The following MTSS2 variants were observed in gnomAD, a reference collection of about 807,000 sequenced individuals.
The protein encoded by MTSS2 is MTSS I-BAR domain containing 2.
In MTSS2, 27 loss-of-function variants were observed where a neutral mutation model predicts 67.1. That is an observed-to-expected ratio of 0.40 (90% CI 0.30 to 0.55). The LOEUF (loss-of-function observed/expected upper bound fraction) is 0.55. Among genes scored for constraint, MTSS2 ranks in the 20% least tolerant of loss-of-function variants. MTSS2 has a pLI of 0.43. For missense variants in MTSS2, 1,171 were observed against 1,067.8 expected (o/e 1.10, Z -1.35); for synonymous variants, 624 against 468.6 (o/e 1.33, Z -4.28).
chr16:70,684,337 G>A (rs2053389965), intron 1 of MTSS2, among the ~76,000 whole-genome samples: 1 of 151,670 alleles, frequency 6.6e-6, no homozygotes, highest in Non-Finnish European at 1.5e-5. Context: ...ACAGTTGCAA[G>A]AGATGGGGGT....
chr16:70,664,180 C>G lies in MTSS2; in HGVS notation c.1741G>C (p.Ala581Pro). Reference sequence around the variant, plus strand: ...GGCGGCCGGATGGGGATGGGGCCAGCGCTGGACAGGGCGCGGCGCACGGTG... The same window carrying G: ...GGCGGCCGGATGGGGATGGGGCCAGGGCTGGACAGGGCGCGGCGCACGGTG... ...KPTVRRALSS[A>P]GPIPIRPPIV... Residue 581 changes from alanine (A) to proline (P), a missense_variant, in exon 15 of 15, where the codon GCT (alanine) becomes CCT (proline). Physicochemically the swap from Ala to Pro is conservative, Grantham distance 27. This residue lies in a region of MTSS2 where 924 missense variants were observed against 756.0 expected (regional missense o/e 1.22). Transcript: ENST00000338779. 2 of 1,603,428 alleles carry G rather than the reference C, an allele frequency of 1.2e-6. No homozygotes were observed. The highest frequency in any genetic ancestry group is 1.7e-6 in the Non-Finnish European group (2 of 1,178,620).
chr16:70,680,685 G>T, intron 3 of MTSS2, 109 bp downstream of exon 3: 2 of 986,072 alleles, frequency 2.0e-6, no homozygotes, highest in Non-Finnish European at 3.1e-6. Flanking sequence ...AGAACTCAAG[G>T]TTCTGGGCTT....
At chr16:70,678,206 T>G (rs756435499) in intron 8 of MTSS2, 46 bp downstream of exon 8, 281 of 1,560,500 alleles carry the variant, frequency 1.8e-4, no homozygotes, top group Non-Finnish European at 2.1e-4. Flanking sequence ...AGGTCAACCC[T>G]GGGCCCAGCC....
rs775664672 is a variant in MTSS2, at chr16:70,681,022, A to C, written c.73T>G (p.Ser25Ala). ...TTGAAGTCCTCCCAGATAGGGTAGG[A>C]GCTCTGCCGGGCAAATGGGAGAGAA... is the stretch of plus-strand genomic sequence containing the variant. Reference protein sequence around the residue: ...FQAIVNDMKSSYPIWEDFNSK... With the variant: ...FQAIVNDMKSAYPIWEDFNSK... Residue 25 changes from serine to alanine, a missense_variant, in exon 2 of 15, where the codon TCC becomes GCC. Transcript: ENST00000338779. 2.5e-6 allele frequency: 4 copies of C among 1,609,188 alleles called. No individual in the cohort carries two copies. In the South Asian group the frequency reaches 4.5e-5, roughly 18 times the overall value.
Position 70,662,578 on chromosome 16 carries a change from T to C in MTSS2, c.*1099A>G, listed in dbSNP as rs1438705570. Reference sequence around the variant, plus strand: ...CCTCCCAACCTTATTTTGGCTACGCTCGAGACACTGGAGAGAACAGTAGCT... The same window carrying C: ...CCTCCCAACCTTATTTTGGCTACGCCCGAGACACTGGAGAGAACAGTAGCT... On this transcript the variant is annotated 3_prime_UTR_variant, in exon 15 of 15. Coordinates refer to ENST00000338779, the MANE Select transcript of MTSS2 (RefSeq NM_138383.3). The C allele has an allele frequency of 2.0e-5, 3 of 152,360 alleles. No individual in the cohort carries two copies. Among genetic ancestry groups the C allele is most frequent in the Non-Finnish European group, 4.4e-5 (3 of 68,100 alleles). The allele number at this position is 152,360 out of a possible 1,614,324, so 9.4% of individuals were successfully genotyped here.
At chr16:70,664,523 A>G in intron 14 of MTSS2, 74 bp from the exon 15 acceptor site, 1 of 1,573,660 alleles carries the variant, frequency 6.4e-7, no homozygotes, top group East Asian at 2.3e-5. Flanking sequence ...GTGAGCACAG[A>G]GGGGGAAGGA....
At chr16:70,667,359 TATTAGA>T (rs1167858565) in intron 11 of MTSS2, among the ~76,000 whole-genome samples, 1 of 149,192 alleles carries the variant, frequency 6.7e-6, no homozygotes, top group African/African-American at 2.5e-5. Flanking sequence ...ATCTACAAAT[TATTAGA>T]ATTAGTAAGG....
At chr16:70,667,945 G>A (rs940987129) in intron 11 of MTSS2, among the ~76,000 whole-genome samples, 1 of 150,800 alleles carries the variant, frequency 6.6e-6, no homozygotes, top group African/African-American at 2.4e-5. Context: ...ACAAACAGAG[G>A]GATATCTGCA....
chr16:70,684,630 C>G (rs7195695), intron 1 of MTSS2, among the ~76,000 whole-genome samples: 86,674 of 151,880 alleles, frequency 0.57, 24,768 homozygotes, highest in African/African-American at 0.6. Context: ...CTGCGCTGGG[C>G]TGTGGGGGTG....
At chr16:70,683,122 C>T (rs528120750) in intron 1 of MTSS2, among the ~76,000 whole-genome samples, 3 of 152,330 alleles carry the variant, frequency 2.0e-5, no homozygotes, top group Admixed American at 2.0e-4. Context: ...CCCAAGTGGA[C>T]AGGGATGAGG....
At chr16:70,681,908 G>A (rs898800074) in intron 1 of MTSS2, among the ~76,000 whole-genome samples, 58 of 152,336 alleles carry the variant, frequency 3.8e-4, no homozygotes, top group African/African-American at 1.3e-3. Context: ...GCCCCTTGAC[G>A]GGCAGCCCTG....
chr16:70,675,299 T>C (rs892632292), intron 10 of MTSS2, among the ~76,000 whole-genome samples: 10 of 151,372 alleles, frequency 6.6e-5, no homozygotes, highest in African/African-American at 2.4e-4. Flanking sequence ...GGTGCACACC[T>C]GTATTCCCAG....
chr16:70,667,715 A>G (rs1431494101), intron 11 of MTSS2, among the ~76,000 whole-genome samples: 1 of 151,764 alleles, frequency 6.6e-6, no homozygotes, highest in Non-Finnish European at 1.5e-5. Context: ...TCTACTAAAA[A>G]TACAAAAATT....
At position 70,678,935 on chromosome 16, in the gene MTSS2, C is replaced by T. The variant is rs199688852; in HGVS notation, c.466+380G>A. ...CAGGGAGCAGAGCACACAGCAACAG[C>T]GACACAAGAAGCAGCAAGAAAGAGA... On this transcript the variant is annotated intron_variant, in intron 7 of 14. Coordinates refer to ENST00000338779, the MANE Select transcript of MTSS2 (RefSeq NM_138383.3). Among the ~76,000 whole-genome samples, 27 of 152,226 alleles carry T rather than the reference C, an allele frequency of 1.8e-4. 1 individual carries two copies. The highest frequency in any genetic ancestry group is 6.0e-4 in the African/African-American group (25 of 41,554).
Position 70,664,239 on chromosome 16 carries a change from A to G in MTSS2, c.1682T>C (p.Val561Ala). Residue 561 changes from valine (V) to alanine (A), a missense_variant, in exon 15 of 15, where the codon GTG becomes GCG. By Grantham distance (64) the Val-to-Ala change is moderately conservative. Coordinates refer to ENST00000338779, the MANE Select transcript of MTSS2 (RefSeq NM_138383.3). The stretch of plus-strand genomic sequence containing the variant: ...GGAGGGTGTGCGGCGGATGGTGGCC[A>G]CGCCGGGGGGTGCGCCCGAGGGCAG... ...TGLPSGAPPG[V>A]ATIRRTPSTK... is the part of the protein sequence containing the mutation. 4 of 1,568,012 alleles carry G rather than the reference A, an allele frequency of 2.6e-6. No homozygotes were observed. The highest frequency in any genetic ancestry group is 3.4e-6 in the Non-Finnish European group (4 of 1,162,916).
In MTSS2 at chr16:70,664,612, G is replaced by A. The variant is rs1158581364; in HGVS notation, c.1457C>T (p.Thr486Ile). The change falls in exon 14 of 15, where the codon ACC becomes ATC. Residue 486 changes from threonine to isoleucine, a missense_variant. Transcript: ENST00000338779. ...CGCGGGCCTGCCTTGGGAGGGGATG[G>A]TGTCCTCAGAGCAGGAGGGCGTGGT... ...QTTTPSCSED[T>I]IPSQGSDYDC... is the part of the protein sequence containing the mutation. 2.5e-6 allele frequency: 4 copies of A among 1,612,700 alleles called. No individual in the cohort carries two copies. Among genetic ancestry groups the A allele is most frequent in the Non-Finnish European group, 2.5e-6 (3 of 1,179,602 alleles).
At position 70,664,208 on chromosome 16, in the gene MTSS2, C is replaced by T. The variant is rs780709145; in HGVS notation, c.1713G>A (p.Lys571=). ...TGGACAGGGCGCGGCGCACGGTGGG[C>T]TTGGTGGAGGGTGTGCGGCGGATGG... ...VATIRRTPST[K]PTVRRALSSA... is the part of the protein sequence containing the mutation. The change falls in exon 15 of 15, where the codon AAG becomes AAA. Residue 571 remains lysine (K), a synonymous_variant. Coordinates refer to ENST00000338779, the MANE Select transcript of MTSS2 (RefSeq NM_138383.3). 3 of 1,591,360 alleles carry T rather than the reference C, an allele frequency of 1.9e-6. No homozygotes were observed. The Middle Eastern group carries it at 5.0e-4, about 266-fold the overall frequency.
At chr16:70,679,213 C>A in intron 7 of MTSS2, 102 bp downstream of exon 7, 1 of 1,461,862 alleles carries the variant, frequency 6.8e-7, no homozygotes, top group East Asian at 2.3e-5. Flanking sequence ...CCTCGCTTCT[C>A]CTTGGCCTGG....
chr16:70,676,069 C>T (rs1376600266), intron 10 of MTSS2, among the ~76,000 whole-genome samples: 1 of 152,262 alleles, frequency 6.6e-6, no homozygotes, highest in Non-Finnish European at 1.5e-5. Flanking sequence ...TAGCTGATTG[C>T]TGTGCCTGGC....
Sources: gnomAD v4.1 joint callset for allele counts (sites outside exome capture counted in the v4.1 genomes callset) on GRCh38, gnomAD v4.1.1 for gene constraint, gnomAD v4.1.1 regional missense constraint, MANE v1.5 for transcripts, NCBI Gene and HGNC (gene_info 2026-07-23, HGNC 2026-07-21) for gene names.